The following EEA1 variants were observed in gnomAD, a reference collection of about 807,000 sequenced individuals.
The protein encoded by EEA1 is early endosome antigen 1, also known as early endosome antigen 1, 162kD.
A neutral mutation model predicts 209.2 loss-of-function variants in EEA1; 111 were observed. The ratio of observed to expected loss-of-function variants is 0.53; its 90% CI spans 0.45 to 0.62. The LOEUF is 0.62. EEA1 is among the 20% of genes least tolerant of loss of function. EEA1 has a pLI of 0.00. For synonymous variants in EEA1, 536 were observed against 540.6 expected, an observed-to-expected ratio of 0.99 and a Z score of 0.12; for missense variants, 1,343 against 1,530.8, an observed-to-expected ratio of 0.88 and a Z score of 2.05.
rs759236581 is a variant in EEA1 at position 92,779,139 on chromosome 12, T to C, written c.3630A>G (p.Glu1210=). ...VKKEEEELKK[E]FIEKEAKLHS... is the part of the protein sequence containing the mutation. ...CCAACTTAGCTTCTTTCTCAATAAA[T>C]TCTTTCTTCAGCTCCTCTTCTTCCT... is the stretch of plus-strand genomic sequence containing the variant. The change falls in exon 25 of 29, where the codon GAA becomes GAG. Residue 1210 remains glutamate, a synonymous_variant. Coordinates refer to ENST00000322349, the MANE Select transcript of EEA1 (RefSeq NM_003566.4). The C allele has an allele frequency of 2.1e-5, 33 of 1,602,482 alleles. No homozygotes were observed. The highest frequency in any genetic ancestry group is 2.7e-5 in the Non-Finnish European group (32 of 1,177,368).
At position 92,858,228 on chromosome 12, in the gene EEA1, C is replaced by T. The variant is rs1877974541; in HGVS notation, c.246-743G>A. The T allele has an allele frequency of 1.3e-5, 9 of 716,682 alleles. No homozygotes were observed. In the South Asian group the frequency reaches 1.3e-4, roughly 10 times the overall value. The allele number at this position is 716,682 out of a possible 1,614,324, so 44.4% of individuals were successfully genotyped here. A position where few individuals can be genotyped will look rare whatever the true frequency, so the allele number is the denominator to read the frequency against. ...CCTTGATGCCCACCTTCAACAAAAT[C>T]CTGATGCCAAAGTAGCTTGTGAAAC... On this transcript the variant is annotated intron_variant, in intron 3 of 28. Transcript: ENST00000322349.
intron 16 of EEA1, among the ~76,000 whole-genome samples, chr12:92,812,542 G>A (rs1480595618): frequency 6.6e-6 from 1 of 152,038 alleles, no homozygotes; most frequent in Non-Finnish European, 1.5e-5. Flanking sequence ...TTATAACTGA[G>A]GTAGAATATA....
At chr12:92,777,817 C>A (rs1000643286) in intron 26 of EEA1, 124 bp downstream of exon 26, 40 of 1,228,120 alleles carry the variant, frequency 3.3e-5, no homozygotes, top group Non-Finnish European at 4.4e-5. Context: ...TAAATGGCTA[C>A]TTAAATACCT....
At chr12:92,858,855 T>C (rs1592741375) in intron 3 of EEA1, 1 of 738,504 alleles carries the variant, frequency 1.4e-6, no homozygotes, top group South Asian at 1.4e-5. Context: ...TGCCTCGGGG[T>C]GATGCTGGTT....
At chr12:92,829,728 G>A (rs186542983) in intron 11 of EEA1, among the ~76,000 whole-genome samples, 103 of 144,604 alleles carry the variant, frequency 7.1e-4, no homozygotes, top group African/African-American at 2.5e-3. Context: ...GCAATGAGCC[G>A]AGATCATGCC....
intron 9 of EEA1, among the ~76,000 whole-genome samples, 153 bp downstream of exon 9, chr12:92,850,958 T>A (rs1007188329): frequency 1.3e-5 from 2 of 152,142 alleles, no homozygotes; most frequent in Admixed American, 6.6e-5. Context: ...AGAGACCACA[T>A]TGACTATAAA....
intron 2 of EEA1, among the ~76,000 whole-genome samples, chr12:92,874,109 T>C (rs1395725798): frequency 1.3e-5 from 2 of 151,992 alleles, no homozygotes; most frequent in Non-Finnish European, 2.9e-5. Context: ...GCCTAGGAAT[T>C]TGAGACCTGC....
chr12:92,805,470 T>C (rs1051446822), intron 18 of EEA1, among the ~76,000 whole-genome samples: 1 of 152,200 alleles, frequency 6.6e-6, no homozygotes, highest in African/African-American at 2.4e-5. Context: ...TCTCTACCTT[T>C]ACTACTGGAA....
At chr12:92,862,236 C>T (rs1184791798) in intron 3 of EEA1, among the ~76,000 whole-genome samples, 1 of 135,916 alleles carries the variant, frequency 7.4e-6, no homozygotes, top group Non-Finnish European at 1.6e-5. Context: ...GCAGTAACTT[C>T]CGTAAGCAAT....
intron 24 of EEA1, 32 bp downstream of exon 24, chr12:92,780,248 A>G (rs1873847258): frequency 6.3e-7 from 1 of 1,576,488 alleles, no homozygotes. Context: ...AATATAACAC[A>G]GAAGGCAGGA....
chr12:92,782,017 T>A lies in EEA1; in HGVS notation c.3269A>T (p.Asp1090Val). The change falls in exon 23 of 29, where the codon GAT becomes GTT. Residue 1090 changes from aspartate to valine, a missense_variant. Coordinates refer to ENST00000322349, the MANE Select transcript of EEA1 (RefSeq NM_003566.4). ...CAATTGCTGTTCTTTCTTTGCTGAATCCTGCTCCAATGTAGCCTTGGCAGT... is the reference window on the plus strand; with the variant it reads ...CAATTGCTGTTCTTTCTTTGCTGAAACCTGCTCCAATGTAGCCTTGGCAGT... ...LKTAKATLEQDSAKKEQQLQE... is the reference protein window; with the variant it reads ...LKTAKATLEQVSAKKEQQLQE... 6.2e-7 allele frequency: 1 copy of A among 1,613,386 alleles called. No individual in the cohort carries two copies. Among genetic ancestry groups the A allele is most frequent in the South Asian group, 1.1e-5 (1 of 91,022 alleles).
intron 1 of EEA1, among the ~76,000 whole-genome samples, chr12:92,904,977 A>G (rs533410349): frequency 1.6e-4 from 24 of 152,264 alleles, no homozygotes; most frequent in African/African-American, 5.8e-4. Flanking sequence ...GCCCCTCTCT[A>G]TGCCTGAAGG....
Position 92,774,800 on chromosome 12 carries a change from C to G in EEA1, c.*1211G>C, listed in dbSNP as rs1873585604. On this transcript the variant is annotated 3_prime_UTR_variant, in exon 29 of 29. Coordinates refer to ENST00000322349, the MANE Select transcript of EEA1 (RefSeq NM_003566.4). The stretch of plus-strand genomic sequence containing the variant: ...GCAAAGTTAAAATTAAAACTGGGAA[C>G]AGTTGACATGGAACACCAAATTCAG... 6.6e-6 allele frequency: 1 copy of G among 151,596 alleles called. No homozygotes were observed. The highest frequency in any genetic ancestry group is 2.4e-5 in the African/African-American group (1 of 41,398). 9.4% of individuals were successfully genotyped at this position (151,596 alleles called of 1,614,324 possible).
chr12:92,906,942 T>G (rs1880408355), intron 1 of EEA1, among the ~76,000 whole-genome samples: 2 of 152,226 alleles, frequency 1.3e-5, no homozygotes, highest in Admixed American at 1.3e-4. Flanking sequence ...ATTTACTATA[T>G]GCAGACCTTA....
intron 2 of EEA1, among the ~76,000 whole-genome samples, chr12:92,865,402 CACT>C (rs899957557): frequency 6.6e-6 from 1 of 151,142 alleles, no homozygotes; most frequent in Non-Finnish European, 1.5e-5. Context: ...GAAGATGAAC[CACT>C]GAGGGGGAAA....
In EEA1 at chr12:92,913,223, A is replaced by G. The variant is rs574346033; in HGVS notation, c.24+15820T>C. ...AACATGTTGTTGGTTTTGTTTTTTA[A>G]TTTTTTGTAACAGCCATTCTGACTG... On this transcript the variant is annotated intron_variant, in intron 1 of 28. Coordinates refer to ENST00000322349, the MANE Select transcript of EEA1 (RefSeq NM_003566.4). Among the ~76,000 whole-genome samples the G allele has an allele frequency of 4.3e-4, 66 of 152,082 alleles. 3 individuals are homozygous for G. The South Asian group carries it at 0.014, about 31-fold the overall frequency.
intron 2 of EEA1, among the ~76,000 whole-genome samples, chr12:92,881,459 G>C (rs1879138842): frequency 6.6e-6 from 1 of 152,002 alleles, no homozygotes; most frequent in African/African-American, 2.4e-5. Context: ...GGAAGAAAGG[G>C]AAAGAAAGGC....
Position 92,853,066 on chromosome 12 carries a change from T to TA in EEA1, c.407-42dup, listed in dbSNP as rs201483829. 11,659 of 1,242,328 alleles carry TA rather than the reference T, an allele frequency of 9.4e-3. 96 individuals are homozygous for TA. Among genetic ancestry groups the TA allele is most frequent in the Non-Finnish European group, 0.012 (10,277 of 862,934 alleles). The allele number at this position is 1,242,328 out of a possible 1,614,324, so 77.0% of individuals were successfully genotyped here. On this transcript the variant is annotated intron_variant, in intron 6 of 28. Coordinates refer to ENST00000322349, the MANE Select transcript of EEA1 (RefSeq NM_003566.4). ...GCAGTTATTCAAATACCATGTTAAT[T>TA]ACATATGCTAAATTGTTATTACTTA...
intron 2 of EEA1, among the ~76,000 whole-genome samples, chr12:92,878,309 G>T (rs913717304): frequency 4.6e-5 from 7 of 152,056 alleles, no homozygotes; most frequent in Non-Finnish European, 1.0e-4. Context: ...AAAAGGTGGG[G>T]GAACGGACTG....
Sources: gnomAD v4.1 joint callset for allele counts (sites outside exome capture counted in the v4.1 genomes callset) on GRCh38, gnomAD v4.1.1 for gene constraint, MANE v1.5 for transcripts, NCBI Gene and HGNC (gene_info 2026-07-23, HGNC 2026-07-21) for gene names.